EHD3: variants seen among roughly 807,000 people sequenced by gnomAD.
EHD3 encodes EH domain-containing protein 3.
EHD3 carries 17 observed loss-of-function variants against 43.0 expected under a neutral mutation model. That is an observed-to-expected ratio of 0.40 (90% CI 0.27 to 0.59). The LOEUF (loss-of-function observed/expected upper bound fraction) is 0.59, where lower values mean the gene tolerates loss of function less well. EHD3 is among the 20% of genes least tolerant of loss of function. The pLI is 0.49. For missense variants in EHD3, 594 were observed against 705.6 expected, an observed-to-expected ratio of 0.84 and a Z score of 1.79; for synonymous variants, 313 against 289.5, an observed-to-expected ratio of 1.08 and a Z score of -0.82.
At position 31,244,497 on chromosome 2, in the gene EHD3, T is replaced by C. The variant is rs755706195; in HGVS notation, c.404+47T>C. The C allele has an allele frequency of 4.4e-6, 7 of 1,589,406 alleles. No individual in the cohort carries two copies. The Admixed American group carries it at 8.5e-5, about 19-fold the overall frequency. Reference sequence around the variant, plus strand: ...CACTTTCAGGTGCTCTCTTTTCTTCTTGGGGTATGGGGAGTGAAAGAACAG... The same window carrying C: ...CACTTTCAGGTGCTCTCTTTTCTTCCTGGGGTATGGGGAGTGAAAGAACAG... On this transcript the variant is annotated intron_variant, in intron 2 of 5. Coordinates refer to ENST00000322054, the MANE Select transcript of EHD3 (RefSeq NM_014600.3).
chr2:31,239,945 C>T (rs1296797020), intron 1 of EHD3, among the ~76,000 whole-genome samples: 1 of 151,558 alleles, frequency 6.6e-6, no homozygotes, highest in Non-Finnish European at 1.5e-5. Context: ...TCGCTGAGCT[C>T]TGGGGACGGT....
At chr2:31,245,737 T>C (rs868630124) in intron 2 of EHD3, among the ~76,000 whole-genome samples, 1 of 134,046 alleles carries the variant, frequency 7.5e-6, no homozygotes. Flanking sequence ...AATTTTGTGT[T>C]TTTTTTTTTT....
chr2:31,242,941 CAA>C (rs1190390873), intron 1 of EHD3, among the ~76,000 whole-genome samples: 3 of 151,322 alleles, frequency 2.0e-5, no homozygotes, highest in Non-Finnish European at 4.4e-5. Context: ...GCCTGGGCAA[CAA>C]GAGTGAAACT....
At chr2:31,248,825 A>G (rs966584562) in intron 2 of EHD3, among the ~76,000 whole-genome samples, 1 of 152,216 alleles carries the variant, frequency 6.6e-6, no homozygotes, top group Non-Finnish European at 1.5e-5. Flanking sequence ...GGATCAAATC[A>G]GAAGGAGGCT....
At chr2:31,251,342 A>G (rs1282214216) in intron 3 of EHD3, among the ~76,000 whole-genome samples, 2 of 152,230 alleles carry the variant, frequency 1.3e-5, no homozygotes, top group Non-Finnish European at 2.9e-5. Flanking sequence ...GAGGCCCTCC[A>G]GGTCAGCAGC....
Position 31,266,797 on chromosome 2 carries a change from CATGCACACACACATAT to C in EHD3, c.*94_*109del. The C allele has an allele frequency of 3.8e-6, 5 of 1,323,966 alleles. No homozygotes were observed. In the Admixed American group the frequency reaches 1.2e-4, roughly 31 times the overall value. 82.0% of individuals were successfully genotyped at this position (1,323,966 alleles called of 1,614,324 possible). A position where few individuals can be genotyped will look rare whatever the true frequency, so the allele number is the denominator to read the frequency against. ...ACACACACACACACACACACACAAA[CATGCACACACACATAT>C]GCATATCTTGACATTGCTCTGTAGG... On this transcript the variant is annotated 3_prime_UTR_variant, in exon 6 of 6. Coordinates refer to ENST00000322054, the MANE Select transcript of EHD3 (RefSeq NM_014600.3). This position sits in a 1 kb window ranked among gnomAD's most constrained non-coding sequence, Gnocchi z 5.1.
chr2:31,239,529 A>G (rs534906130), intron 1 of EHD3, among the ~76,000 whole-genome samples: 1 of 152,186 alleles, frequency 6.6e-6, no homozygotes, highest in Non-Finnish European at 1.5e-5. Flanking sequence ...TGGGAGGAGA[A>G]AGACCTTTGG....
chr2:31,244,233 G>A (rs1192384652), intron 1 of EHD3, 41 bp from the exon 2 acceptor site: 1 of 1,585,778 alleles, frequency 6.3e-7, no homozygotes, highest in South Asian at 1.1e-5. Context: ...GTTGATCTTT[G>A]CGCAGAACGC....
intron 5 of EHD3, among the ~76,000 whole-genome samples, chr2:31,263,903 A>C (rs1683896809): frequency 6.6e-6 from 1 of 152,196 alleles, no homozygotes; most frequent in Non-Finnish European, 1.5e-5. Flanking sequence ...AAACTTTCAA[A>C]ATTGCAGAGA....
intron 3 of EHD3, among the ~76,000 whole-genome samples, chr2:31,249,918 C>A (rs1309086576): frequency 6.6e-6 from 1 of 152,112 alleles, no homozygotes; most frequent in Non-Finnish European, 1.5e-5. Context: ...GAAAGCACTT[C>A]AAAAACTGTT....
At chr2:31,259,071 G>A (rs899939089) in intron 3 of EHD3, among the ~76,000 whole-genome samples, 7 of 152,116 alleles carry the variant, frequency 4.6e-5, no homozygotes, top group Non-Finnish European at 5.9e-5. Flanking sequence ...TTTCCCATTC[G>A]ATGGTGGCAA....
chr2:31,256,597 G>A (rs769349765), intron 3 of EHD3, among the ~76,000 whole-genome samples: 8 of 152,230 alleles, frequency 5.3e-5, no homozygotes, highest in Non-Finnish European at 5.9e-5. Flanking sequence ...GAACAGGAGC[G>A]TGCATGATGC....
intron 2 of EHD3, among the ~76,000 whole-genome samples, 198 bp downstream of exon 2, chr2:31,244,648 T>C (rs754459123): frequency 1.3e-5 from 2 of 152,128 alleles, no homozygotes; most frequent in Non-Finnish European, 2.9e-5. Context: ...AAATGCTGGG[T>C]TGATTCCTCC....
intron 3 of EHD3, among the ~76,000 whole-genome samples, chr2:31,258,442 A>G (rs72861148): frequency 0.13 from 19,248 of 152,054 alleles, 2,939 homozygotes; most frequent in African/African-American, 0.36. Flanking sequence ...GGCTCCATTC[A>G]TCCTCATCCC....
Position 31,266,826 on chromosome 2 carries a change from A to G in EHD3, c.*122A>G. 1 of 1,266,420 alleles carries G rather than the reference A, an allele frequency of 7.9e-7. No homozygotes were observed. Among genetic ancestry groups the G allele is most frequent in the South Asian group, 1.5e-5 (1 of 64,532 alleles). The allele number at this position is 1,266,420 out of a possible 1,614,324, so 78.4% of individuals were successfully genotyped here. A position where few individuals can be genotyped will look rare whatever the true frequency, so the allele number is the denominator to read the frequency against. On this transcript the variant is annotated 3_prime_UTR_variant, in exon 6 of 6. Coordinates refer to ENST00000322054, the MANE Select transcript of EHD3 (RefSeq NM_014600.3). The surrounding 1 kb of genome is among the most constrained non-coding windows in gnomAD (Gnocchi z 5.1). ...CACACACACATATGCATATCTTGAC[A>G]TTGCTCTGTAGGTGAGAGAGGACCA... is the stretch of plus-strand genomic sequence containing the variant.
intron 2 of EHD3, among the ~76,000 whole-genome samples, chr2:31,245,526 C>G (rs1250632694): frequency 1.4e-5 from 1 of 71,638 alleles, no homozygotes; most frequent in Non-Finnish European, 2.6e-5. Flanking sequence ...TCTCTTATCC[C>G]AAATATATAT....
chr2:31,246,134 C>T (rs1272744123), intron 2 of EHD3, among the ~76,000 whole-genome samples: 2 of 152,024 alleles, frequency 1.3e-5, no homozygotes, highest in African/African-American at 4.8e-5. Flanking sequence ...GCTGAGGTCC[C>T]TTTAGGAAGA....
At chr2:31,245,669 C>T (rs1287515589) in intron 2 of EHD3, among the ~76,000 whole-genome samples, 2 of 145,194 alleles carry the variant, frequency 1.4e-5, no homozygotes, top group African/African-American at 2.5e-5. Flanking sequence ...TCAAGCAATT[C>T]TCCTGCCTCA....
At chr2:31,237,338 A>G (rs537649174) in intron 1 of EHD3, among the ~76,000 whole-genome samples, 42 of 152,000 alleles carry the variant, frequency 2.8e-4, no homozygotes, top group Non-Finnish European at 4.9e-4. Context: ...TATTTCCAGT[A>G]TTTGTAGCTA....
Sources: allele counts gnomAD v4.1 joint callset (sites outside exome capture counted in the v4.1 genomes callset), GRCh38; gene constraint gnomAD v4.1.1; non-coding constraint Gnocchi (gnomAD v3.1); transcripts MANE v1.5; gene names NCBI Gene and HGNC (gene_info 2026-07-23, HGNC 2026-07-21).